Variants in LRIF1 observed in about 807,000 individuals in gnomAD.
The protein encoded by LRIF1 is ligand dependent nuclear receptor interacting factor 1.
Under a neutral mutation model 52.7 loss-of-function variants are expected in LRIF1, and 32 were observed. That is an observed-to-expected ratio of 0.61 (90% CI 0.46 to 0.82). The LOEUF (loss-of-function observed/expected upper bound fraction) is 0.82, where lower values mean the gene tolerates loss of function less well. LRIF1 is among the 40% of genes least tolerant of loss of function. The pLI, the probability that LRIF1 is intolerant of heterozygous loss-of-function variation, is 0.00. For missense variants in LRIF1, 887 were observed against 892.0 expected (o/e 0.99, Z 0.07); for synonymous variants, 323 against 317.4 (o/e 1.02, Z -0.19).
chr1:110,951,463 G>C lies in LRIF1; in HGVS notation c.1421C>G (p.Thr474Arg). 6.2e-7 allele frequency: 1 copy of C among 1,614,130 alleles called. No homozygotes were observed. Among genetic ancestry groups the C allele is most frequent in the African/African-American group, 1.3e-5 (1 of 75,024 alleles). Residue 474 changes from threonine (T) to arginine (R), a missense_variant, in exon 2 of 4, where the codon ACA becomes AGA. Physicochemically the swap from Thr to Arg is moderately conservative, Grantham distance 71 (BLOSUM62 -1). Coordinates refer to ENST00000369763, the MANE Select transcript of LRIF1 (RefSeq NM_018372.4). ...AAATCCAACTGGAAAGATTGGATTT[G>C]TGAATAAAGTCTTACTCTGTTTTAA... ...NYLKQSKTLF[T>R]NPIFPVGFST... is the part of the protein sequence containing the mutation.
At chr1:110,912,315 G>A in the LRIF1 span, among the ~76,000 whole-genome samples, 3 of 152,174 alleles carry the variant, frequency 2.0e-5, no homozygotes, top group Admixed American at 1.3e-4. Context: ...GGGTTCAAGC[G>A]ATTCTCATGC....
chr1:110,894,936 C>T, the LRIF1 span: 4 of 1,578,238 alleles, frequency 2.5e-6, no homozygotes, highest in Admixed American at 1.7e-5. Flanking sequence ...ACCATGTCTC[C>T]TCTGCTGGAA....
rs1045986922 is a variant in LRIF1 at position 110,959,206 on chromosome 1, A to T, written c.68+4415T>A. The stretch of plus-strand genomic sequence containing the variant: ...CATTTGAAAAATAATACAGTTTAAC[A>T]GTTTAAAAGAGAAAAGAGGAACATA... On this transcript the variant is annotated intron_variant, in intron 1 of 3. Coordinates refer to ENST00000369763, the MANE Select transcript of LRIF1 (RefSeq NM_018372.4). Among the ~76,000 whole-genome samples the T allele has an allele frequency of 2.7e-4, 41 of 152,348 alleles. 1 individual carries two copies. The South Asian group carries it at 8.1e-3, about 30-fold the overall frequency.
Position 110,949,891 on chromosome 1 carries a change from T to G in LRIF1, c.1829A>C (p.Lys610Thr), listed in dbSNP as rs1557837806. 1.2e-6 allele frequency: 2 copies of G among 1,614,106 alleles called. No homozygotes were observed. The highest frequency in any genetic ancestry group is 2.7e-5 in the African/African-American group (2 of 75,038). ...FSSLVKSGTY[K>T]ETEFMVKEGE... ...TTCCTTCACCATAAACTCTGTCTCT[T>G]TGTAAGTACCACTCTTTACCAAACT... Residue 610 changes from lysine to threonine, a missense_variant, in exon 3 of 4, where the codon AAA becomes ACA. By Grantham distance (78) the Lys-to-Thr change is moderately conservative. Transcript: ENST00000369763.
chr1:110,925,898 T>C, the LRIF1 span, among the ~76,000 whole-genome samples: 1 of 152,040 alleles, frequency 6.6e-6, no homozygotes, highest in Non-Finnish European at 1.5e-5. Context: ...GAAAACAAAA[T>C]TGAAGCCAGA....
chr1:110,952,988 GAT>G (rs1410996109), intron 1 of LRIF1, 173 bp from the exon 2 acceptor site: 2 of 288,380 alleles, frequency 6.9e-6, no homozygotes, highest in African/African-American at 4.4e-5. Context: ...AAGAGATAAT[GAT>G]ATAGTCAACT....
chr1:110,921,272 A>G, the LRIF1 span, among the ~76,000 whole-genome samples: 880 of 145,088 alleles, frequency 6.1e-3, 13 homozygotes, highest in African/African-American at 0.021. Flanking sequence ...AGTGAAGTGC[A>G]GAAATAGTAT....
At chr1:110,882,804 A>G in the LRIF1 span, among the ~76,000 whole-genome samples, 12 of 152,060 alleles carry the variant, frequency 7.9e-5, 1 homozygote, top group Non-Finnish European at 4.4e-5. Context: ...TTTATGCCTA[A>G]GTATTTCATA....
the LRIF1 span, among the ~76,000 whole-genome samples, chr1:110,917,712 G>A: frequency 3.3e-5 from 5 of 149,274 alleles, no homozygotes; most frequent in South Asian, 1.1e-3. Context: ...AAACTGTATA[G>A]TATGTTATAA....
intron 1 of LRIF1, among the ~76,000 whole-genome samples, chr1:110,958,670 A>T (rs1187792651): frequency 6.6e-6 from 1 of 151,670 alleles, no homozygotes; most frequent in African/African-American, 2.4e-5. Context: ...TCCAAAAAAT[A>T]AAAAAAAGGA....
chr1:110,935,682 A>C, the LRIF1 span, among the ~76,000 whole-genome samples: 1 of 152,196 alleles, frequency 6.6e-6, no homozygotes, highest in Non-Finnish European at 1.5e-5. Flanking sequence ...AAAACAATAA[A>C]GCATACCTAC....
chr1:110,943,696 G>A (rs1658139528), downstream of LRIF1: 1 of 151,982 alleles, frequency 6.6e-6, no homozygotes. Context: ...CTGGATATCT[G>A]GCCACTCTTT....
intron 3 of LRIF1, among the ~76,000 whole-genome samples, chr1:110,949,460 C>T (rs1658366892): frequency 6.9e-6 from 1 of 144,746 alleles, no homozygotes; most frequent in African/African-American, 2.6e-5. Context: ...TGCCCTGTCG[C>T]CTGGGCTGGA....
At chr1:110,901,772 G>A in the LRIF1 span, among the ~76,000 whole-genome samples, 1 of 152,124 alleles carries the variant, frequency 6.6e-6, no homozygotes, top group African/African-American at 2.4e-5. Context: ...CACCGTCCCC[G>A]GTGAGACATT....
chr1:110,879,440 ATGTTATTTGACC>A, the LRIF1 span, among the ~76,000 whole-genome samples: 1 of 152,360 alleles, frequency 6.6e-6, no homozygotes, highest in African/African-American at 2.4e-5. Context: ...ACAGAATACT[ATGTTATTTGACC>A]TGTTAATAAG....
chr1:110,921,280 T>C, the LRIF1 span, among the ~76,000 whole-genome samples: 1 of 152,044 alleles, frequency 6.6e-6, no homozygotes, highest in African/African-American at 2.4e-5. Flanking sequence ...GCAGAAATAG[T>C]ATGAATAACT....
In LRIF1 at chr1:110,947,952, G is replaced by A. The variant is rs770535880; in HGVS notation, c.*7C>T. ...CAGCTATTTCACTGAAGTCTTTACA[G>A]GAGATTTTATTTTTGGTGCATCTTC... On this transcript the variant is annotated 3_prime_UTR_variant, in exon 4 of 4. Transcript: ENST00000369763. 13 of 1,566,148 alleles carry A rather than the reference G, an allele frequency of 8.3e-6. No individual in the cohort carries two copies. Among genetic ancestry groups the A allele is most frequent in the Non-Finnish European group, 8.6e-6 (10 of 1,161,128 alleles).
At chr1:110,900,317 A>G in the LRIF1 span, among the ~76,000 whole-genome samples, 3 of 152,258 alleles carry the variant, frequency 2.0e-5, no homozygotes, top group South Asian at 4.1e-4. Flanking sequence ...AAAGACATCC[A>G]AGAAAGGGCA....
rs187988318 is a variant in LRIF1 at position 110,958,548 on chromosome 1, C to T, written c.68+5073G>A. On this transcript the variant is annotated intron_variant, in intron 1 of 3. Transcript: ENST00000369763. Reference sequence around the variant, plus strand: ...TTGCAAATATCCTTCCAATACCAAGCATAGTATTTTATATGATGTCTATAT... The same window carrying T: ...TTGCAAATATCCTTCCAATACCAAGTATAGTATTTTATATGATGTCTATAT... 6.1e-3 allele frequency among the ~76,000 whole-genome samples: 923 copies of T among 152,162 alleles called. 9 individuals carry two copies. The highest frequency in any genetic ancestry group is 0.021 in the African/African-American group (873 of 41,526).
Sources: gnomAD v4.1 joint callset for allele counts (sites outside exome capture counted in the v4.1 genomes callset) on GRCh38, gnomAD v4.1.1 for gene constraint, MANE v1.5 for transcripts, NCBI Gene and HGNC (gene_info 2026-07-23, HGNC 2026-07-21) for gene names.